The following KCNMA1 variants were observed in gnomAD, a reference collection of about 807,000 sequenced individuals.
KCNMA1 encodes the protein Calcium-activated potassium channel subunit alpha-1.
Under a neutral mutation model 140.0 loss-of-function variants are expected in KCNMA1, and 29 were observed. The observed-to-expected ratio is 0.21, with a 90% CI of 0.15 to 0.28. The LOEUF (loss-of-function observed/expected upper bound fraction) is 0.28, where lower values mean the gene tolerates loss of function less well. KCNMA1 is among the 10% of genes least tolerant of loss of function. The pLI is 1.00. For missense variants in KCNMA1, 880 were observed against 1,602.2 expected (o/e 0.55, Z 7.70); for synonymous variants, 612 against 611.9 (o/e 1.00, Z 0.00).
chr10:77,461,673 G>A (rs116652438), intron 1 of KCNMA1, among the ~76,000 whole-genome samples: 304 of 152,240 alleles, frequency 2.0e-3, no homozygotes, highest in African/African-American at 7.1e-3. Context: ...GAACACTTAC[G>A]GGGCTTGTTG....
At chr10:77,164,755 C>T (rs927874) in intron 5 of KCNMA1, among the ~76,000 whole-genome samples, 17,683 of 152,144 alleles carry the variant, frequency 0.12, 1,387 homozygotes, top group Admixed American at 0.17. Flanking sequence ...GTTCCTTCAC[C>T]AGCCACAGCT....
At chr10:77,576,953 T>G (rs2074327809) in intron 1 of KCNMA1, among the ~76,000 whole-genome samples, 1 of 152,174 alleles carries the variant, frequency 6.6e-6, no homozygotes, top group Non-Finnish European at 1.5e-5. Flanking sequence ...CAATTCTCAC[T>G]GAAATCCCAT....
chr10:77,185,249 T>A (rs1007285593), intron 3 of KCNMA1, among the ~76,000 whole-genome samples: 5 of 152,006 alleles, frequency 3.3e-5, no homozygotes, highest in African/African-American at 1.2e-4. Context: ...GGCCTCCAAA[T>A]TCCTTAATTT....
chr10:77,318,959 A>G (rs539574410), intron 2 of KCNMA1, among the ~76,000 whole-genome samples: 1 of 152,300 alleles, frequency 6.6e-6, no homozygotes, highest in South Asian at 2.1e-4. Flanking sequence ...ACACAAGAGA[A>G]GGAGGCAGAA....
intron 1 of KCNMA1, among the ~76,000 whole-genome samples, chr10:77,538,231 A>ACT (rs2059392065): frequency 6.6e-6 from 1 of 151,590 alleles, no homozygotes; most frequent in Non-Finnish European, 1.5e-5. Flanking sequence ...TACTCTACAC[A>ACT]CTCACAAACA....
At chr10:77,144,082 GA>G (rs1026359645) in intron 5 of KCNMA1, among the ~76,000 whole-genome samples, 5 of 150,104 alleles carry the variant, frequency 3.3e-5, no homozygotes, top group East Asian at 2.0e-4. Context: ...ATTTACCCAA[GA>G]AAAAAAAATA....
chr10:77,202,827 C>T (rs1486564514), intron 3 of KCNMA1, among the ~76,000 whole-genome samples: 1 of 152,074 alleles, frequency 6.6e-6, no homozygotes, highest in Non-Finnish European at 1.5e-5. Context: ...AAAGTCAAGG[C>T]CAAATGAGGC....
chr10:77,634,433 C>T (rs1217226481), intron 1 of KCNMA1: 1 of 985,220 alleles, frequency 1.0e-6, no homozygotes, highest in Non-Finnish European at 1.2e-6. Context: ...AAGAGATGTC[C>T]CACGATGCAT....
intron 1 of KCNMA1, among the ~76,000 whole-genome samples, chr10:77,517,246 AC>A (rs907211506): frequency 5.3e-5 from 8 of 152,108 alleles, no homozygotes; most frequent in African/African-American, 1.7e-4. Context: ...AAGCAGTGTC[AC>A]CGGAACCCAG....
chr10:77,363,055 G>A (rs1331029624), intron 2 of KCNMA1, among the ~76,000 whole-genome samples: 1 of 152,188 alleles, frequency 6.6e-6, no homozygotes, highest in African/African-American at 2.4e-5. Context: ...AACCATTCAA[G>A]TCCTCGTGCT....
At position 77,108,109 on chromosome 10, in the gene KCNMA1, TTGGTC is replaced by T. The variant is rs2097234819; in HGVS notation, c.1223+367_1223+371del. On this transcript the variant is annotated intron_variant, in intron 9 of 27. Transcript: ENST00000286628. This position sits in a 1 kb window ranked among gnomAD's most constrained non-coding sequence, Gnocchi z 4.6. The stretch of plus-strand genomic sequence containing the variant: ...ATCTCTTGGAATTTGTGAATGGGAG[TTGGTC>T]CAAGCGTGGCAACGTCCTCGGGTCA... 6.6e-6 allele frequency among the ~76,000 whole-genome samples: 1 copy of T among 151,806 alleles called. No individual in the cohort carries two copies. The highest frequency in any genetic ancestry group is 1.5e-5 in the Non-Finnish European group (1 of 67,968).
At chr10:77,110,863 A>G (rs1382459399) in intron 7 of KCNMA1, among the ~76,000 whole-genome samples, 3 of 152,306 alleles carry the variant, frequency 2.0e-5, no homozygotes, top group Middle Eastern at 3.4e-3. Context: ...TTCTGATTCA[A>G]ACAGCATCTC....
At chr10:77,232,884 C>G (rs1040753300) in intron 3 of KCNMA1, among the ~76,000 whole-genome samples, 8 of 110,898 alleles carry the variant, frequency 7.2e-5, no homozygotes, top group Non-Finnish European at 1.7e-5. Flanking sequence ...TATCCCAGCA[C>G]CATTTTTTTT....
intron 1 of KCNMA1, among the ~76,000 whole-genome samples, chr10:77,495,711 C>T (rs1036226614): frequency 6.6e-6 from 1 of 152,168 alleles, no homozygotes; most frequent in African/African-American, 2.4e-5. Flanking sequence ...CACAGCCTGC[C>T]GTGCTGGGCC....
intron 3 of KCNMA1, among the ~76,000 whole-genome samples, chr10:77,230,049 T>C (rs1434512899): frequency 6.6e-6 from 1 of 152,210 alleles, no homozygotes; most frequent in African/African-American, 2.4e-5. Flanking sequence ...TACATGTTCA[T>C]TGACAAATGA....
chr10:77,089,896 G>C (rs1382760692), intron 10 of KCNMA1, among the ~76,000 whole-genome samples: 1 of 152,174 alleles, frequency 6.6e-6, no homozygotes, highest in Non-Finnish European at 1.5e-5. Flanking sequence ...GAGCCTGCAT[G>C]CACAGTGACG....
At chr10:77,312,299 G>A (rs1024773460) in intron 2 of KCNMA1, among the ~76,000 whole-genome samples, 15 of 152,334 alleles carry the variant, frequency 9.8e-5, no homozygotes, top group East Asian at 1.9e-4. Context: ...ATGAGAGAAG[G>A]GAAGAGAGGA....
chr10:77,608,422 C>T (rs1567843095), intron 1 of KCNMA1, among the ~76,000 whole-genome samples: 1 of 152,160 alleles, frequency 6.6e-6, no homozygotes, highest in East Asian at 1.9e-4. Flanking sequence ...GATCCACCCG[C>T]CTTGACCTCT....
At chr10:77,317,862 C>G (rs934330423) in intron 2 of KCNMA1, among the ~76,000 whole-genome samples, 1 of 152,214 alleles carries the variant, frequency 6.6e-6, no homozygotes, top group African/African-American at 2.4e-5. Flanking sequence ...TGAGCCATTT[C>G]CAGCCTGAGG....
Sources: allele counts gnomAD v4.1 joint callset (sites outside exome capture counted in the v4.1 genomes callset), GRCh38; gene constraint gnomAD v4.1.1; non-coding constraint Gnocchi (gnomAD v3.1); transcripts MANE v1.5; gene names NCBI Gene and HGNC (gene_info 2026-07-23, HGNC 2026-07-21).